DHRS4L2: variants seen among roughly 807,000 people sequenced by gnomAD.
The protein encoded by DHRS4L2 is dehydrogenase/reductase 4 like 2, also known as dehydrogenase/reductase SDR family member 4-like 2.
Under a neutral mutation model 23.9 loss-of-function variants are expected in DHRS4L2, and 22 were observed. The ratio of observed to expected loss-of-function variants is 0.92; its 90% CI spans 0.66 to 1.31. DHRS4L2 has a LOEUF of 1.31. Among genes scored for constraint, DHRS4L2 ranks in the 40% most tolerant of loss-of-function variants. The pLI, the probability that DHRS4L2 is intolerant of heterozygous loss-of-function variation, is 0.00. For synonymous variants in DHRS4L2, 141 were observed against 123.7 expected (o/e 1.14, Z -0.93); for missense variants, 385 against 303.3 (o/e 1.27, Z -2.00).
intron 3 of DHRS4L2, among the ~76,000 whole-genome samples, chr14:23,999,344 T>TAAAA (rs71426825): frequency 1.8e-3 from 97 of 53,626 alleles, no homozygotes; most frequent in African/African-American, 2.1e-3. Context: ...CTCCAATTTG[T>TAAAA]AAAAAAAAAA....
chr14:23,976,984 TAGG>T (rs1305293930), intron 1 of DHRS4L2, among the ~76,000 whole-genome samples: 1 of 151,712 alleles, frequency 6.6e-6, no homozygotes, highest in Non-Finnish European at 1.5e-5. Context: ...GGGATAGCAT[TAGG>T]AGAAATACCT....
chr14:23,990,199 C>A lies in DHRS4L2; in HGVS notation c.146C>A (p.Ala49Asp). ...GCTCACAGGATCGGCTTCGCCATCGCCCGGCGTTTGGCCCAGGACAGGGCC... is the reference window on the plus strand; with the variant it reads ...GCTCACAGGATCGGCTTCGCCATCGACCGGCGTTTGGCCCAGGACAGGGCC... ...ASTDGIGFAI[A>D]RRLAQDRAHV... Residue 49 changes from alanine (A) to aspartate (D), a missense_variant, in exon 2 of 8, where the codon GCC becomes GAC. By Grantham distance (126) the Ala-to-Asp change is moderately radical. Coordinates refer to ENST00000335125, the MANE Select transcript of DHRS4L2 (RefSeq NM_198083.4). The A allele has an allele frequency of 6.2e-7, 1 of 1,612,812 alleles. No homozygotes were observed. Among genetic ancestry groups the A allele is most frequent in the South Asian group, 1.1e-5 (1 of 90,926 alleles).
intron 1 of DHRS4L2, among the ~76,000 whole-genome samples, chr14:23,981,037 T>G (rs2034042256): frequency 6.6e-6 from 1 of 151,812 alleles, no homozygotes; most frequent in South Asian, 2.1e-4. Flanking sequence ...GCAGATGACA[T>G]GATTGTATAT....
chr14:23,997,784 C>G (rs2034410290), intron 3 of DHRS4L2, among the ~76,000 whole-genome samples: 1 of 151,612 alleles, frequency 6.6e-6, no homozygotes, highest in Non-Finnish European at 1.5e-5. Flanking sequence ...TCCACGTCAT[C>G]CATGAGGGTT....
At chr14:23,984,500 G>A (rs967089035), upstream of DHRS4L2, among the ~76,000 whole-genome samples, 1 of 151,384 alleles carries the variant, frequency 6.6e-6, no homozygotes, top group Non-Finnish European at 1.5e-5. Context: ...TTCACATATA[G>A]AATTTAAAAC....
intron 2 of DHRS4L2, among the ~76,000 whole-genome samples, chr14:23,990,599 T>C (rs1029616993): frequency 4.0e-5 from 6 of 151,374 alleles, no homozygotes; most frequent in African/African-American, 1.5e-4. Flanking sequence ...TCTGCAGTAA[T>C]TTTCAATCTA....
At position 23,991,338 on chromosome 14, in the gene DHRS4L2, A is replaced by C. The variant is rs543494236; in HGVS notation, c.306+979A>C. ...ATGTGAGTCCAAAAAAGCTTGGCTTAGACTGGTCGACAAAGCCCAAGATTG... is the reference window on the plus strand; with the variant it reads ...ATGTGAGTCCAAAAAAGCTTGGCTTCGACTGGTCGACAAAGCCCAAGATTG... On this transcript the variant is annotated intron_variant, in intron 2 of 7. Coordinates refer to ENST00000335125, the MANE Select transcript of DHRS4L2 (RefSeq NM_198083.4). 5.7e-4 allele frequency among the ~76,000 whole-genome samples: 87 copies of C among 151,904 alleles called. 2 individuals are homozygous for C. Among genetic ancestry groups the C allele is most frequent in the African/African-American group, 2.0e-3 (81 of 41,460 alleles).
chr14:23,972,181 C>A (rs1436022207), intron 1 of DHRS4L2, among the ~76,000 whole-genome samples: 1 of 151,988 alleles, frequency 6.6e-6, no homozygotes, highest in Non-Finnish European at 1.5e-5. Flanking sequence ...AGCTGCGGAC[C>A]CTCGCGGTGA....
intron 3 of DHRS4L2, among the ~76,000 whole-genome samples, chr14:23,999,938 A>G (rs867234457): frequency 2.3e-5 from 3 of 130,086 alleles, no homozygotes; most frequent in Non-Finnish European, 4.7e-5. Context: ...AAAGTGATCC[A>G]CCCATCTTGG....
At position 23,994,272 on chromosome 14, in the gene DHRS4L2, G is replaced by A. The variant is rs563573766; in HGVS notation, c.307-760G>A. 5.3e-5 allele frequency among the ~76,000 whole-genome samples: 8 copies of A among 151,828 alleles called. No individual in the cohort carries two copies. The East Asian group carries it at 7.7e-4, about 15-fold the overall frequency. The stretch of plus-strand genomic sequence containing the variant: ...ACTCAGTGTGAAAGGAAGAGGAGGG[G>A]TCTGGAAATAGATTTTGGGGTGAGA... On this transcript the variant is annotated intron_variant, in intron 2 of 7. Coordinates refer to ENST00000335125, the MANE Select transcript of DHRS4L2 (RefSeq NM_198083.4).
upstream of DHRS4L2, among the ~76,000 whole-genome samples, chr14:23,987,659 C>G (rs185657007): frequency 2.6e-5 from 4 of 151,758 alleles, no homozygotes; most frequent in Admixed American, 2.0e-4. Flanking sequence ...AAACAAAACA[C>G]TAACACACAC....
chr14:23,974,916 G>A lies in DHRS4L2; in HGVS notation c.-176+4584G>A, dbSNP rs187176415. Among the ~76,000 whole-genome samples the A allele has an allele frequency of 2.9e-4, 44 of 151,788 alleles. 2 individuals carry two copies. The highest frequency in any genetic ancestry group is 9.2e-4 in the African/African-American group (38 of 41,374). On this transcript the variant is annotated intron_variant, in intron 1 of 5. Coordinates refer to the DHRS4L2 transcript ENST00000534993. ...TCATTTTATAATGCCAGAATCATCCGGATATCAAAGCTTGGCAGAGACACA... is the reference window on the plus strand; with the variant it reads ...TCATTTTATAATGCCAGAATCATCCAGATATCAAAGCTTGGCAGAGACACA...
At chr14:23,988,155 A>C (rs1158310611), upstream of DHRS4L2, among the ~76,000 whole-genome samples, 1 of 150,858 alleles carries the variant, frequency 6.6e-6, no homozygotes, top group African/African-American at 2.4e-5. Context: ...ATATTTATTG[A>C]ACTAGGATGG....
intron 2 of DHRS4L2, among the ~76,000 whole-genome samples, chr14:23,993,447 G>A (rs1450196792): frequency 6.6e-6 from 1 of 151,612 alleles, no homozygotes; most frequent in African/African-American, 2.4e-5. Flanking sequence ...GGTGTACATT[G>A]TTAGTAACAC....
chr14:23,984,058 AAAAG>A (rs1454195768), upstream of DHRS4L2, among the ~76,000 whole-genome samples: 12 of 151,652 alleles, frequency 7.9e-5, no homozygotes, highest in African/African-American at 2.4e-4. Context: ...AAATGTAAAA[AAAAG>A]AAATTAAAAA....
At chr14:23,995,286 G>A (rs1376290761) in intron 3 of DHRS4L2, among the ~76,000 whole-genome samples, 153 bp downstream of exon 3, 1 of 151,766 alleles carries the variant, frequency 6.6e-6, no homozygotes, top group Non-Finnish European at 1.5e-5. Flanking sequence ...CAAAGGGCAG[G>A]TGGGGGTGGC....
chr14:23,974,130 AC>A (rs2033920726), intron 1 of DHRS4L2, among the ~76,000 whole-genome samples: 1 of 151,806 alleles, frequency 6.6e-6, no homozygotes, highest in Non-Finnish European at 1.5e-5. Context: ...AAACTGAACA[AC>A]CTGCTCCTGA....
intron 3 of DHRS4L2, among the ~76,000 whole-genome samples, chr14:24,000,526 A>C (rs2034464807): frequency 6.6e-6 from 1 of 151,978 alleles, no homozygotes; most frequent in Admixed American, 6.5e-5. Flanking sequence ...GAGGCTGACA[A>C]TTCCAGGCTC....
chr14:23,995,937 G>C (rs1439783183), intron 3 of DHRS4L2, among the ~76,000 whole-genome samples: 2 of 151,796 alleles, frequency 1.3e-5, no homozygotes, highest in Admixed American at 6.6e-5. Flanking sequence ...AATTTATAAA[G>C]AAAAGAAGTG....
Sources: gnomAD v4.1 joint callset for allele counts (sites outside exome capture counted in the v4.1 genomes callset) on GRCh38, gnomAD v4.1.1 for gene constraint, MANE v1.5 for transcripts, NCBI Gene and HGNC (gene_info 2026-07-23, HGNC 2026-07-21) for gene names.